The following ACP6 variants were observed in gnomAD, a reference collection of about 807,000 sequenced individuals.
ACP6 encodes lysophosphatidic acid phosphatase type 6.
Under a neutral mutation model 48.1 loss-of-function variants are expected in ACP6, and 48 were observed. The observed-to-expected ratio is 1.00, with a 90% CI of 0.79 to 1.27. ACP6 has a LOEUF of 1.27. Ranked by LOEUF, ACP6 falls within the 50% of genes most tolerant of loss-of-function variation. ACP6 has a pLI of 0.00. For synonymous variants in ACP6, 172 were observed against 204.2 expected, an observed-to-expected ratio of 0.84 and a Z score of 1.34; for missense variants, 485 against 529.1, an observed-to-expected ratio of 0.92 and a Z score of 0.82.
intron 8 of ACP6, among the ~76,000 whole-genome samples, chr1:147,649,627 T>C (rs1186954225): frequency 6.6e-6 from 1 of 152,092 alleles, no homozygotes; most frequent in Non-Finnish European, 1.5e-5. Context: ...GTATTTTTAG[T>C]AGAGCAGGGT....
intron 5 of ACP6, among the ~76,000 whole-genome samples, chr1:147,631,835 A>AC (rs56897702): frequency 1.3e-5 from 2 of 151,862 alleles, no homozygotes; most frequent in Admixed American, 6.6e-5. Context: ...AACAACAACA[A>AC]AAAAAACAGT....
At position 147,669,919 on chromosome 1, in the gene ACP6, C is replaced by G; in HGVS notation, c.130G>C (p.Asp44His). The change falls in exon 1 of 10, where the codon GAC (aspartate) becomes CAC (histidine). Residue 44 changes from aspartate (D) to histidine (H), a missense_variant. Transcript: ENST00000583509. ...LQEADGQCPVDRSLLKLKMVQ... is the reference protein window; with the variant it reads ...LQEADGQCPVHRSLLKLKMVQ... ...ATTTTCAACTTCAGCAGGCTGCGGT[C>G]GACCGGACACTGGCCATCGGCCTCC... 8.2e-6 allele frequency: 13 copies of G among 1,580,522 alleles called. No individual in the cohort carries two copies. The highest frequency in any genetic ancestry group is 1.1e-5 in the Non-Finnish European group (13 of 1,162,622).
intron 7 of ACP6, chr1:147,652,217 G>C: frequency 2.2e-6 from 1 of 448,636 alleles, no homozygotes; most frequent in Non-Finnish European, 4.0e-6. Context: ...AAGTCATGAG[G>C]GTGGTGGCTC....
intron 4 of ACP6, among the ~76,000 whole-genome samples, chr1:147,658,215 A>G (rs782769776): frequency 3.0e-4 from 46 of 152,234 alleles, no homozygotes; most frequent in Non-Finnish European, 5.4e-4. Flanking sequence ...ATATTTCTTA[A>G]AAAATGTGAT....
chr1:147,662,819 G>A (rs1442461163), intron 1 of ACP6, among the ~76,000 whole-genome samples: 2 of 152,196 alleles, frequency 1.3e-5, no homozygotes, highest in Non-Finnish European at 2.9e-5. Context: ...CTATTAAACT[G>A]TGTCATAAGC....
intron 1 of ACP6, 43 bp downstream of exon 1, chr1:147,669,787 A>G: frequency 1.3e-6 from 2 of 1,513,408 alleles, no homozygotes; most frequent in Non-Finnish European, 1.8e-6. Flanking sequence ...GGCCTGGCAC[A>G]CGGTCCTCGC....
intron 1 of ACP6, among the ~76,000 whole-genome samples, chr1:147,662,063 T>C (rs1553212869): frequency 4.6e-5 from 7 of 152,230 alleles, no homozygotes. Context: ...CAACAAAGCC[T>C]GCATGGCAGG....
downstream of ACP6, among the ~76,000 whole-genome samples, chr1:147,640,666 A>G (rs79849438): frequency 9.5e-3 from 1,452 of 152,180 alleles, 6 homozygotes; most frequent in Non-Finnish European, 0.013. Context: ...CAGGACTTGA[A>G]CTCAGAGCAC....
chr1:147,652,205 TAA>T (rs1659958170), intron 7 of ACP6: 2 of 429,344 alleles, frequency 4.7e-6, no homozygotes, highest in Non-Finnish European at 8.3e-6. Context: ...AGGCAAGTGA[TAA>T]AGTCATGAGG....
intron 9 of ACP6, chr1:147,647,886 C>A (rs1488386697): frequency 2.1e-6 from 1 of 485,622 alleles, no homozygotes; most frequent in South Asian, 2.9e-5. Flanking sequence ...CAGCCAACAC[C>A]ACGGGTGCTA....
Position 147,645,707 on chromosome 1 carries a change from C to T in ACP6, c.*1716G>A, listed in dbSNP as rs1553209366. On this transcript the variant is annotated 3_prime_UTR_variant, in exon 10 of 10. Transcript: ENST00000583509. ...GGTGGGGGTGAATACTTAATTGTAG[C>T]TGGTTCATGAGAGAACTGGAAGGGA... 1 of 152,078 alleles carries T rather than the reference C, an allele frequency of 6.6e-6. No homozygotes were observed. The highest frequency in any genetic ancestry group is 1.5e-5 in the Non-Finnish European group (1 of 68,044). The allele number at this position is 152,078 out of a possible 1,614,324, so 9.4% of individuals were successfully genotyped here. A position where few individuals can be genotyped will look rare whatever the true frequency, so the allele number is the denominator to read the frequency against.
chr1:147,670,016 C>T lies in ACP6; in HGVS notation c.33G>A (p.Trp11Ter), dbSNP rs782677965. Residue 11 changes from tryptophan to a stop codon, truncating the protein, a stop_gained, in exon 1 of 10, where the codon TGG (tryptophan) becomes TGA (stop). Transcript: ENST00000583509. LOFTEE classifies it high-confidence loss of function. MITGVFSMRL[W>*]TPVGVLTSLA... ...GCGAGGTCAGGACGCCCACTGGGGT[C>T]CACAAGCGCATGCTGAACACACCAG... The T allele has an allele frequency of 1.6e-5, 24 of 1,544,484 alleles. No homozygotes were observed. The highest frequency in any genetic ancestry group is 4.4e-6 in the Non-Finnish European group (5 of 1,143,924).
chr1:147,670,051 T>C lies in ACP6; in HGVS notation c.-3A>G. ...ATGCTGAACACACCAGTGATCATGG[T>C]GGTAGGCCCTCGCTGCCCTCCGGGT... On this transcript the variant is annotated 5_prime_UTR_variant, in exon 1 of 10. Transcript: ENST00000583509. 1 of 1,499,458 alleles carries C rather than the reference T, an allele frequency of 6.7e-7. No individual in the cohort carries two copies. The highest frequency in any genetic ancestry group is 2.6e-5 in the East Asian group (1 of 39,158). The allele number at this position is 1,499,458 out of a possible 1,614,324, so 92.9% of individuals were successfully genotyped here. A position where few individuals can be genotyped will look rare whatever the true frequency, so the allele number is the denominator to read the frequency against.
At chr1:147,655,272 G>A in intron 4 of ACP6, 24 bp from the exon 5 acceptor site, 1 of 1,534,294 alleles carries the variant, frequency 6.5e-7, no homozygotes, top group South Asian at 1.2e-5. Context: ...AGGAAGCACA[G>A]GCAGGCAGAG....
chr1:147,663,053 T>A (rs1660624890), intron 1 of ACP6, among the ~76,000 whole-genome samples: 1 of 152,200 alleles, frequency 6.6e-6, no homozygotes, highest in Non-Finnish European at 1.5e-5. Context: ...CATTTTTAAA[T>A]TAAGGTATGT....
In ACP6 at chr1:147,654,193, C is replaced by T. The variant is rs1553211140; in HGVS notation, c.780+1G>A. The T allele has an allele frequency of 2.5e-6, 4 of 1,614,028 alleles. No individual in the cohort carries two copies. The highest frequency in any genetic ancestry group is 2.5e-6 in the Non-Finnish European group (3 of 1,179,954). ...CCAGGCTCCCCAACCCCAGGACTCA[C>T]CTGCTCGGCAGCCACGTTGTCCAGG... On this transcript the variant is annotated splice_donor_variant, in intron 6 of 9. Coordinates refer to ENST00000583509, the MANE Select transcript of ACP6 (RefSeq NM_016361.5). LOFTEE classifies it high-confidence loss of function.
At chr1:147,659,836 T>G in intron 1 of ACP6, 61 bp from the exon 2 acceptor site, 1 of 1,574,746 alleles carries the variant, frequency 6.4e-7, no homozygotes, top group Non-Finnish European at 8.6e-7. Context: ...TGTATAGCAT[T>G]AACATCTCAA....
At chr1:147,647,696 GC>G in intron 9 of ACP6, 130 bp from the exon 10 acceptor site, 1 of 1,208,834 alleles carries the variant, frequency 8.3e-7, no homozygotes, top group Non-Finnish European at 1.1e-6. Flanking sequence ...AGACAGGAAG[GC>G]CCCACTACCC....
intron 6 of ACP6, 109 bp downstream of exon 6, chr1:147,654,085 C>T: frequency 6.6e-7 from 1 of 1,521,440 alleles, no homozygotes; most frequent in East Asian, 2.3e-5. Flanking sequence ...GGTCTTATCA[C>T]AGTTGCCTTC....
Sources: gnomAD v4.1 joint callset for allele counts (sites outside exome capture counted in the v4.1 genomes callset) on GRCh38, gnomAD v4.1.1 for gene constraint, MANE v1.5 for transcripts, NCBI Gene and HGNC (gene_info 2026-07-23, HGNC 2026-07-21) for gene names.